APBB2: variants seen among roughly 807,000 people sequenced by gnomAD.
The protein encoded by APBB2 is amyloid beta precursor protein binding family B member 2, also known as Fe65-like 1.
In APBB2, 38 loss-of-function variants were observed where a neutral mutation model predicts 82.5. The observed-to-expected ratio is 0.46, with a 90% CI of 0.36 to 0.60. The LOEUF is 0.60. Ranked by LOEUF, APBB2 falls within the 20% of genes least tolerant of loss-of-function variation. APBB2 has a pLI of 0.00. For synonymous variants in APBB2, 341 were observed against 368.2 expected, an observed-to-expected ratio of 0.93 and a Z score of 0.85; for missense variants, 772 against 972.3, an observed-to-expected ratio of 0.79 and a Z score of 2.74.
chr4:40,824,839 G>A lies in APBB2; in HGVS notation c.1816+1048C>T, dbSNP rs184922759. On this transcript the variant is annotated intron_variant, in intron 15 of 17. Transcript: ENST00000508593. ...TTTCATCACCCCAAAGAGAAACCCC[G>A]TGCCTGGTAGGGGTCATTCTGCATT... Among the ~76,000 whole-genome samples the A allele has an allele frequency of 2.1e-4, 32 of 152,130 alleles. No homozygotes were observed. The East Asian group carries it at 2.5e-3, about 12-fold the overall frequency.
chr4:40,872,130 A>G (rs185798193), intron 12 of APBB2, among the ~76,000 whole-genome samples: 2 of 152,252 alleles, frequency 1.3e-5, no homozygotes, highest in Non-Finnish European at 2.9e-5. Flanking sequence ...AGAAATGTTC[A>G]GTCAGCGCAT....
intron 1 of APBB2, among the ~76,000 whole-genome samples, chr4:41,149,335 C>G (rs1761599859): frequency 6.6e-6 from 1 of 151,834 alleles, no homozygotes; most frequent in East Asian, 1.9e-4. Flanking sequence ...CTTTAACATG[C>G]CAAAAGTCTG....
chr4:41,213,807 G>C (rs925330452), intron 1 of APBB2, among the ~76,000 whole-genome samples: 20 of 152,206 alleles, frequency 1.3e-4, no homozygotes, highest in Non-Finnish European at 2.9e-4. Flanking sequence ...AGGGGGAAAA[G>C]GAACTTTTCC....
At chr4:41,205,621 C>T (rs906759892) in intron 1 of APBB2, among the ~76,000 whole-genome samples, 1 of 152,274 alleles carries the variant, frequency 6.6e-6, no homozygotes, top group Middle Eastern at 3.4e-3. Context: ...CCAAAGCATA[C>T]TTACAGGTAG....
rs369413770 is a variant in APBB2, at chr4:40,826,433, C to G, written c.1733-463G>C. ...TTGCCCAGGCTGGAGTGCAGTGGTGCGATCTTGGCTCGCTGCAACCTCCAT... is the reference window on the plus strand; with the variant it reads ...TTGCCCAGGCTGGAGTGCAGTGGTGGGATCTTGGCTCGCTGCAACCTCCAT... On this transcript the variant is annotated intron_variant, in intron 14 of 17. Transcript: ENST00000508593. The surrounding 1 kb of genome is among the most constrained non-coding windows in gnomAD (Gnocchi z 4.5). Among the ~76,000 whole-genome samples the G allele has an allele frequency of 2.6e-5, 4 of 151,350 alleles. No homozygotes were observed. Among genetic ancestry groups the G allele is most frequent in the Admixed American group, 2.6e-4 (4 of 15,188 alleles).
intron 1 of APBB2, among the ~76,000 whole-genome samples, chr4:41,210,200 G>C (rs1324960349): frequency 2.6e-5 from 4 of 152,142 alleles, no homozygotes; most frequent in African/African-American, 9.7e-5. Flanking sequence ...CCGAAGCAGG[G>C]GGCTGGGGAC....
chr4:40,965,947 T>C (rs1794569404), intron 6 of APBB2, among the ~76,000 whole-genome samples: 1 of 152,180 alleles, frequency 6.6e-6, no homozygotes, highest in Non-Finnish European at 1.5e-5. Flanking sequence ...TGCTCTCACT[T>C]TCAACACTTT....
At chr4:41,003,286 T>A (rs1475995438) in intron 6 of APBB2, among the ~76,000 whole-genome samples, 1 of 152,186 alleles carries the variant, frequency 6.6e-6, no homozygotes, top group Non-Finnish European at 1.5e-5. Context: ...TATATTCCAC[T>A]CAAAGTCTCA....
intron 16 of APBB2, 74 bp downstream of exon 16, chr4:40,823,562 TGTTCCTAA>T: frequency 1.0e-6 from 1 of 981,428 alleles, no homozygotes; most frequent in Non-Finnish European, 1.6e-6. Context: ...GCCTTGACTA[TGTTCCTAA>T]GTTCCACAGA....
intron 1 of APBB2, among the ~76,000 whole-genome samples, chr4:41,149,996 G>C (rs1410653906): frequency 6.6e-6 from 1 of 152,080 alleles, no homozygotes. Flanking sequence ...AAATTACCCA[G>C]TCTTGGGTAT....
At chr4:41,126,015 T>G (rs1409418177) in intron 2 of APBB2, among the ~76,000 whole-genome samples, 2 of 152,142 alleles carry the variant, frequency 1.3e-5, no homozygotes, top group Non-Finnish European at 2.9e-5. Context: ...GCACCTCAGC[T>G]TCGTTTCACA....
In APBB2 at chr4:41,157,639, C is replaced by G. The variant is rs571848461; in HGVS notation, c.-416-14497G>C. On this transcript the variant is annotated intron_variant, in intron 1 of 17. Transcript: ENST00000508593. The stretch of plus-strand genomic sequence containing the variant: ...GACCAAGATATGCCAAGAAACAATA[C>G]AGGGGCAGTGAGAAAGAAGCTGCCA... 2.0e-5 allele frequency among the ~76,000 whole-genome samples: 3 copies of G among 152,320 alleles called. No individual in the cohort carries two copies. In the South Asian group the frequency reaches 6.2e-4, roughly 32 times the overall value.
intron 6 of APBB2, among the ~76,000 whole-genome samples, chr4:40,994,119 T>C (rs1236219582): frequency 2.0e-5 from 3 of 152,044 alleles, no homozygotes; most frequent in Non-Finnish European, 4.4e-5. Context: ...GCCCCGTCTC[T>C]ACTAAAAATT....
intron 12 of APBB2, among the ~76,000 whole-genome samples, chr4:40,860,380 C>T (rs1762483532): frequency 2.0e-5 from 3 of 152,106 alleles, no homozygotes; most frequent in Admixed American, 2.0e-4. Context: ...GGTGGAGCCT[C>T]AATAAAAATC....
chr4:40,957,929 A>T (rs1272821636), intron 6 of APBB2, among the ~76,000 whole-genome samples: 2 of 152,192 alleles, frequency 1.3e-5, no homozygotes, highest in East Asian at 3.8e-4. Flanking sequence ...ATATGATCAG[A>T]GGTTGGTAGA....
intron 12 of APBB2, among the ~76,000 whole-genome samples, chr4:40,831,157 G>C (rs1751757315): frequency 6.6e-6 from 1 of 151,932 alleles, no homozygotes; most frequent in South Asian, 2.1e-4. Flanking sequence ...CCCAGCACTG[G>C]GAGGCCGAGG....
At chr4:41,063,656 C>A (rs1323629559) in intron 4 of APBB2, among the ~76,000 whole-genome samples, 4 of 152,054 alleles carry the variant, frequency 2.6e-5, no homozygotes, top group African/African-American at 4.8e-5. Context: ...TGGGTGAGGG[C>A]TTGAGGGTGG....
chr4:41,165,853 T>C (rs1766393339), intron 1 of APBB2, among the ~76,000 whole-genome samples: 1 of 150,274 alleles, frequency 6.7e-6, no homozygotes, highest in Admixed American at 6.6e-5. Context: ...AAGCCATTCA[T>C]GCCAGCATGT....
At chr4:41,114,834 A>G (rs538386701) in intron 2 of APBB2, among the ~76,000 whole-genome samples, 33 of 152,314 alleles carry the variant, frequency 2.2e-4, no homozygotes, top group African/African-American at 7.5e-4. Context: ...GACACAAACA[A>G]ATGGAAAAAC....
Sources: gnomAD v4.1 joint callset for allele counts (sites outside exome capture counted in the v4.1 genomes callset) on GRCh38, gnomAD v4.1.1 for gene constraint, Gnocchi (gnomAD v3.1) non-coding constraint, MANE v1.5 for transcripts, NCBI Gene and HGNC (gene_info 2026-07-23, HGNC 2026-07-21) for gene names.